ADORA2A: variants seen among roughly 807,000 people sequenced by gnomAD.
The protein encoded by ADORA2A is adenosine receptor A2a.
ADORA2A carries 11 observed loss-of-function variants against 18.4 expected under a neutral mutation model. That is an observed-to-expected ratio of 0.60 (90% CI 0.38 to 0.99). ADORA2A has a LOEUF of 0.99. Among genes scored for constraint, ADORA2A ranks in the 50% least tolerant of loss-of-function variants. The pLI, the probability that ADORA2A is intolerant of heterozygous loss-of-function variation, is 0.01. For missense variants in ADORA2A, 449 were observed against 556.1 expected (o/e 0.81, Z 1.94); for synonymous variants, 218 against 237.3 (o/e 0.92, Z 0.75).
At chr22:24,434,678 C>T (rs759779296) in intron 2 of ADORA2A, among the ~76,000 whole-genome samples, 1 of 152,192 alleles carries the variant, frequency 6.6e-6, no homozygotes, top group Admixed American at 6.5e-5. Context: ...GGTGCACCAT[C>T]TCTGCGGTGA....
chr22:24,438,157 A>G (rs1222437550), intron 2 of ADORA2A: 1 of 152,250 alleles, frequency 6.6e-6, no homozygotes, highest in African/African-American at 2.4e-5. Context: ...CCTGAGTTAC[A>G]ATCTGCCTCC....
At chr22:24,439,003 G>A (rs912558623) in intron 2 of ADORA2A, among the ~76,000 whole-genome samples, 11 of 148,646 alleles carry the variant, frequency 7.4e-5, no homozygotes, top group East Asian at 4.1e-4. Context: ...TTTGCTACCC[G>A]TGAATGAGAT....
At chr22:24,424,252 C>G (rs2042892649), upstream of ADORA2A, 1 of 152,002 alleles carries the variant, frequency 6.6e-6, no homozygotes. The surrounding 1 kb of genome is among the most constrained non-coding windows in gnomAD (Gnocchi z 4.9). Flanking sequence ...CGGGACCCTC[C>G]GAGCTGTCCC....
At chr22:24,436,616 A>C (rs1237218807) in intron 2 of ADORA2A, among the ~76,000 whole-genome samples, 1 of 152,082 alleles carries the variant, frequency 6.6e-6, no homozygotes, top group Non-Finnish European at 1.5e-5. Context: ...TTTTTGCCTC[A>C]CTGTCCCCTC....
upstream of ADORA2A, among the ~76,000 whole-genome samples, chr22:24,425,286 C>G (rs1016308415): frequency 1.3e-5 from 2 of 150,188 alleles, no homozygotes; most frequent in African/African-American, 2.5e-5. Context: ...CTGCTTTGGC[C>G]GTTCCTGGAG....
At chr22:24,428,484 T>C (rs1431479235) in intron 1 of ADORA2A, among the ~76,000 whole-genome samples, 1 of 152,220 alleles carries the variant, frequency 6.6e-6, no homozygotes, top group Non-Finnish European at 1.5e-5. Flanking sequence ...TATTATTTCT[T>C]GTTCATATCC....
At chr22:24,431,349 C>T (rs934174144) in intron 1 of ADORA2A, 6 of 456,386 alleles carry the variant, frequency 1.3e-5, no homozygotes, top group African/African-American at 2.0e-5. Flanking sequence ...TGCAGGAGAA[C>T]CTCCAGTCCC....
chr22:24,436,528 G>A (rs2043182694), intron 2 of ADORA2A, among the ~76,000 whole-genome samples: 1 of 152,242 alleles, frequency 6.6e-6, no homozygotes, highest in African/African-American at 2.4e-5. Context: ...CAGAGGCAGA[G>A]ATGTAGCTCT....
At chr22:24,439,136 G>C (rs1481718057) in intron 2 of ADORA2A, among the ~76,000 whole-genome samples, 1 of 134,792 alleles carries the variant, frequency 7.4e-6, no homozygotes, top group Non-Finnish European at 1.5e-5. Flanking sequence ...CCAGGCTGGA[G>C]TGCAGTGGCG....
intron 1 of ADORA2A, chr22:24,429,359 G>C (rs772919397): frequency 6.6e-5 from 10 of 152,270 alleles, no homozygotes; most frequent in Non-Finnish European, 1.3e-4. Flanking sequence ...TGTGTCCCCT[G>C]TCTGTATGGG....
intron 1 of ADORA2A, among the ~76,000 whole-genome samples, chr22:24,428,025 G>A (rs1431837541): frequency 2.0e-5 from 3 of 152,196 alleles, no homozygotes; most frequent in African/African-American, 4.8e-5. Flanking sequence ...TGGGTCCCGG[G>A]CCCAGCCTGC....
chr22:24,439,989 G>A (rs1408477660), intron 2 of ADORA2A, among the ~76,000 whole-genome samples: 1 of 152,128 alleles, frequency 6.6e-6, no homozygotes, highest in Non-Finnish European at 1.5e-5. Context: ...AGGGCTTCTG[G>A]AGTCCCCAAG....
chr22:24,431,327 G>T (rs1187053695), intron 1 of ADORA2A: 1 of 456,848 alleles, frequency 2.2e-6, no homozygotes, highest in Admixed American at 2.3e-5. Flanking sequence ...AGGGGCAAAA[G>T]GGCCTGCTGG....
intron 2 of ADORA2A, among the ~76,000 whole-genome samples, chr22:24,437,206 G>GA (rs1568949901): frequency 6.6e-6 from 1 of 152,232 alleles, no homozygotes; most frequent in Non-Finnish European, 1.5e-5. Context: ...CAAGCCGGGG[G>GA]ACACAGAGCT....
intron 1 of ADORA2A, chr22:24,431,270 TTCC>T (rs2043028674): frequency 4.4e-6 from 2 of 456,758 alleles, no homozygotes; most frequent in Admixed American, 4.7e-5. Flanking sequence ...TGCTCTCTCC[TTCC>T]TCCTCCTGCT....
chr22:24,441,649 TGAGGCCCAGCAAGAAGGG>T lies in ADORA2A; in HGVS notation c.*161_*178del, dbSNP rs1159518085. 7.4e-6 allele frequency: 5 copies of T among 675,406 alleles called. No homozygotes were observed. The highest frequency in any genetic ancestry group is 1.1e-5 in the Non-Finnish European group (5 of 452,742). The allele number at this position is 675,406 out of a possible 1,614,324, so 41.8% of individuals were successfully genotyped here. ...AAGGGAGCCCCAGGCTGGAGCAGCA[TGAGGCCCAGCAAGAAGGG>T]CTTGGGTTCTGAGGAAGCAGATGTT... On this transcript the variant is annotated 3_prime_UTR_variant, in exon 3 of 3. Coordinates refer to ENST00000337539, the MANE Select transcript of ADORA2A (RefSeq NM_000675.6).
chr22:24,425,126 C>T (rs962050751), upstream of ADORA2A, among the ~76,000 whole-genome samples: 9 of 152,126 alleles, frequency 5.9e-5, no homozygotes, highest in Admixed American at 2.0e-4. Context: ...GCCGGCTCCC[C>T]CTGGGTTCCC....
upstream of ADORA2A, among the ~76,000 whole-genome samples, chr22:24,424,977 G>A (rs2042901583): frequency 6.6e-6 from 1 of 152,094 alleles, no homozygotes. This position sits in a 1 kb window ranked among gnomAD's most constrained non-coding sequence, Gnocchi z 4.9. Flanking sequence ...GGTGTTTGTG[G>A]CCCTTGTTGG....
In ADORA2A at chr22:24,437,400, G is replaced by A. The variant is rs147516788; in HGVS notation, c.333-3183G>A. On this transcript the variant is annotated intron_variant, in intron 2 of 2. Coordinates refer to ENST00000337539, the MANE Select transcript of ADORA2A (RefSeq NM_000675.6). ...TGTGTTGGTCACAGATGCAGCCCAGGATATGCTGCTGGGCCTGGCTGAGGC... is the reference window on the plus strand; with the variant it reads ...TGTGTTGGTCACAGATGCAGCCCAGAATATGCTGCTGGGCCTGGCTGAGGC... 1.1e-4 allele frequency among the ~76,000 whole-genome samples: 17 copies of A among 152,314 alleles called. No individual in the cohort carries two copies. In the East Asian group the frequency reaches 3.3e-3, roughly 29 times the overall value.
Sources: gnomAD v4.1 joint callset for allele counts (sites outside exome capture counted in the v4.1 genomes callset) on GRCh38, gnomAD v4.1.1 for gene constraint, Gnocchi (gnomAD v3.1) non-coding constraint, MANE v1.5 for transcripts, NCBI Gene and HGNC (gene_info 2026-07-23, HGNC 2026-07-21) for gene names.